LYPLAL1: variants seen among roughly 807,000 people sequenced by gnomAD.
LYPLAL1 encodes the protein lysophospholipase like 1.
A neutral mutation model predicts 19.7 loss-of-function variants in LYPLAL1; 23 were observed. The ratio of observed to expected loss-of-function variants is 1.17; its 90% CI spans 0.84 to 1.65. The LOEUF (loss-of-function observed/expected upper bound fraction) is 1.65. Ranked by LOEUF, LYPLAL1 falls within the 40% of genes most tolerant of loss-of-function variation. The probability of loss-of-function intolerance (pLI) is 0.00; values close to 1 mark genes in which losing one functional copy is unlikely to be tolerated. For missense variants in LYPLAL1, 355 were observed against 279.4 expected (o/e 1.27, Z -1.93); for synonymous variants, 119 against 96.3 (o/e 1.24, Z -1.38).
At chr1:219,177,143 G>A (rs1044735935) in intron 1 of LYPLAL1, among the ~76,000 whole-genome samples, 12 of 152,170 alleles carry the variant, frequency 7.9e-5, no homozygotes, top group African/African-American at 2.7e-4. Flanking sequence ...TTAAAGCCAA[G>A]TCGGAGGCTC....
intron 2 of LYPLAL1, among the ~76,000 whole-genome samples, chr1:219,185,701 AATC>A (rs1266400977): frequency 4.6e-5 from 7 of 151,924 alleles, no homozygotes; most frequent in Admixed American, 4.6e-4. Context: ...CAGGAACTGG[AATC>A]ATCTGAAGGC....
rs544463284 is a variant in LYPLAL1, at chr1:219,173,883, C to A, written c.-8C>A. ...GGCGGAACCGCATGACTGGCAGTGG[C>A]ATCAGCGATGGCGGCTGCGTCGGGG... On this transcript the variant is annotated 5_prime_UTR_variant, in exon 1 of 5. Transcript: ENST00000366928. The A allele has an allele frequency of 2.5e-6, 4 of 1,611,742 alleles. No homozygotes were observed. In the South Asian group the frequency reaches 4.4e-5, roughly 18 times the overall value.
At chr1:219,196,755 G>T (rs1456805621) in intron 3 of LYPLAL1, among the ~76,000 whole-genome samples, 1 of 152,042 alleles carries the variant, frequency 6.6e-6, no homozygotes, top group Non-Finnish European at 1.5e-5. Flanking sequence ...AAACTCTATC[G>T]TTTCAGCCCC....
the LYPLAL1 span, among the ~76,000 whole-genome samples, chr1:219,233,448 A>G: frequency 6.6e-6 from 1 of 152,214 alleles, no homozygotes; most frequent in Non-Finnish European, 1.5e-5. Context: ...TTAACATACT[A>G]AACTATACAC....
the LYPLAL1 span, among the ~76,000 whole-genome samples, chr1:219,395,868 C>T: frequency 6.6e-6 from 1 of 152,030 alleles, no homozygotes; most frequent in African/African-American, 2.4e-5. Flanking sequence ...CTTTGGGAGG[C>T]CGAGGCAGGC....
chr1:219,383,727 C>T, the LYPLAL1 span, among the ~76,000 whole-genome samples: 1 of 152,168 alleles, frequency 6.6e-6, no homozygotes, highest in Middle Eastern at 3.2e-3. Context: ...ACTGTCTCAA[C>T]TTTCATAGTA....
the LYPLAL1 span, among the ~76,000 whole-genome samples, chr1:219,257,621 G>T: frequency 6.6e-6 from 1 of 151,990 alleles, no homozygotes; most frequent in Non-Finnish European, 1.5e-5. Flanking sequence ...CTGGGAGTAG[G>T]TAACAAAGAT....
the LYPLAL1 span, among the ~76,000 whole-genome samples, chr1:219,318,342 C>A: frequency 5.9e-5 from 9 of 152,084 alleles, no homozygotes; most frequent in Non-Finnish European, 1.0e-4. Context: ...GAAATATCCC[C>A]TTAGCACCCT....
the LYPLAL1 span, among the ~76,000 whole-genome samples, chr1:219,295,047 A>G: frequency 6.6e-6 from 1 of 152,146 alleles, no homozygotes; most frequent in Non-Finnish European, 1.5e-5. Flanking sequence ...CTCCTGAGAA[A>G]ATTGAGTGCC....
the LYPLAL1 span, chr1:219,436,943 T>G: frequency 2.0e-5 from 3 of 152,206 alleles, no homozygotes; most frequent in Non-Finnish European, 4.4e-5. Context: ...AGTTTGAGAT[T>G]GGGAACTCTG....
At chr1:219,439,715 T>A in the LYPLAL1 span, among the ~76,000 whole-genome samples, 1 of 152,078 alleles carries the variant, frequency 6.6e-6, no homozygotes, top group Non-Finnish European at 1.5e-5. Context: ...TCTGGCATTG[T>A]GGATATATAC....
At chr1:219,382,457 T>G in the LYPLAL1 span, among the ~76,000 whole-genome samples, 355 of 152,244 alleles carry the variant, frequency 2.3e-3, 1 homozygote, top group Non-Finnish European at 4.1e-3. Context: ...CCTCCCGGGG[T>G]CACGTCATTC....
At chr1:219,193,406 T>C (rs1657359197) in intron 3 of LYPLAL1, 155 bp downstream of exon 3, 7 of 462,332 alleles carry the variant, frequency 1.5e-5, no homozygotes, top group Admixed American at 4.0e-5. Flanking sequence ...TTCAAAGATA[T>C]TAGAATTATA....
At chr1:219,304,404 T>C in the LYPLAL1 span, among the ~76,000 whole-genome samples, 1 of 152,250 alleles carries the variant, frequency 6.6e-6, no homozygotes, top group African/African-American at 2.4e-5. Context: ...GTGGGTAGCC[T>C]GCCAGGTGGC....
the LYPLAL1 span, among the ~76,000 whole-genome samples, chr1:219,363,557 T>C: frequency 6.6e-6 from 1 of 152,202 alleles, no homozygotes; most frequent in African/African-American, 2.4e-5. Flanking sequence ...GAGGAACTTG[T>C]AAAACTGTAA....
At chr1:219,326,399 G>A in the LYPLAL1 span, among the ~76,000 whole-genome samples, 1 of 152,122 alleles carries the variant, frequency 6.6e-6, no homozygotes, top group African/African-American at 2.4e-5. Context: ...TACTGGCAGG[G>A]CTTAATGTCA....
At chr1:219,285,577 G>A in the LYPLAL1 span, among the ~76,000 whole-genome samples, 20,490 of 152,190 alleles carry the variant, frequency 0.13, 1,450 homozygotes, top group East Asian at 0.24. Context: ...CCACATGGAT[G>A]AACCTTGAAA....
At chr1:219,219,263 A>C in the LYPLAL1 span, among the ~76,000 whole-genome samples, 2 of 152,302 alleles carry the variant, frequency 1.3e-5, no homozygotes, top group East Asian at 3.9e-4. Flanking sequence ...CTTAAATAAC[A>C]AATCAGTTTT....
the LYPLAL1 span, among the ~76,000 whole-genome samples, chr1:219,389,374 C>T: frequency 1.3e-5 from 2 of 152,104 alleles, no homozygotes; most frequent in Admixed American, 6.6e-5. Context: ...GCATCTTAAA[C>T]AAGGGTGGAG....
Sources: gnomAD v4.1 joint callset for allele counts (sites outside exome capture counted in the v4.1 genomes callset) on GRCh38, gnomAD v4.1.1 for gene constraint, MANE v1.5 for transcripts, NCBI Gene and HGNC (gene_info 2026-07-23, HGNC 2026-07-21) for gene names.